SCN11A: variants seen among roughly 807,000 people sequenced by gnomAD.
SCN11A encodes sodium channel protein type 11 subunit alpha.
A neutral mutation model predicts 162.2 loss-of-function variants in SCN11A; 122 were observed. The ratio of observed to expected loss-of-function variants is 0.75; its 90% CI spans 0.65 to 0.87. The LOEUF is 0.87. Ranked by LOEUF, SCN11A falls within the 40% of genes least tolerant of loss-of-function variation. The pLI is 0.00. For missense variants in SCN11A, 2,015 were observed against 2,181.6 expected, an observed-to-expected ratio of 0.92 and a Z score of 1.52; for synonymous variants, 758 against 751.5, an observed-to-expected ratio of 1.01 and a Z score of -0.14.
chr3:38,877,133 A>ATG (rs2065227845), intron 23 of SCN11A, among the ~76,000 whole-genome samples: 1 of 106,742 alleles, frequency 9.4e-6, no homozygotes, highest in African/African-American at 3.8e-5. Context: ...TGGTGTATAT[A>ATG]CTATATATAT....
rs2066149123 is a variant in SCN11A at position 38,926,807 on chromosome 3, T to C, written c.613A>G (p.Ile205Val). The change falls in exon 8 of 30, where the codon ATA becomes GTA. Residue 205 changes from isoleucine (I) to valine (V), a missense_variant. Transcript: ENST00000302328. ...AAACATCTTTAATATTCTTACGCTA[T>C]TCCAATGACAATGGAGTCCAGCCAG... ...WNWLDSIVIG[I>V]AIVSYIPGIT... The C allele has an allele frequency of 6.2e-7, 1 of 1,613,412 alleles. No homozygotes were observed. The highest frequency in any genetic ancestry group is 1.7e-5 in the Admixed American group (1 of 59,886).
In SCN11A at chr3:38,846,605, C is replaced by A; in HGVS notation, c.*89G>T. 1.0e-6 allele frequency: 1 copy of A among 958,710 alleles called. No individual in the cohort carries two copies. The allele number at this position is 958,710 out of a possible 1,614,324, so 59.4% of individuals were successfully genotyped here. ...GAATGGCTAATTTGGTGAATCCACT[C>A]CCTGTTGATACACTAAGCTGCTGAC... On this transcript the variant is annotated 3_prime_UTR_variant, in exon 30 of 30. Coordinates refer to ENST00000302328, the MANE Select transcript of SCN11A (RefSeq NM_001349253.2).
In SCN11A at chr3:38,909,064, G is replaced by A; in HGVS notation, c.1232C>T (p.Ala411Val). The A allele has an allele frequency of 6.2e-7, 1 of 1,614,018 alleles. No homozygotes were observed. The highest frequency in any genetic ancestry group is 1.1e-5 in the South Asian group (1 of 91,080). Reference sequence around the variant, plus strand: ...CTTTTCCTTGGCCTCTATCTCTGCAGCTACATTCTTGTTCTGCTCCTCATA... The same window carrying A: ...CTTTTCCTTGGCCTCTATCTCTGCAACTACATTCTTGTTCTGCTCCTCATA... ...MAYEEQNKNV[A>V]AEIEAKEKMF... Residue 411 changes from alanine to valine, a missense_variant, in exon 13 of 30, where the codon GCT (alanine) becomes GTT (valine). Physicochemically the swap from Ala to Val is moderately conservative, Grantham distance 64 (BLOSUM62 0). Coordinates refer to ENST00000302328, the MANE Select transcript of SCN11A (RefSeq NM_001349253.2).
chr3:38,907,365 C>T (rs76050581), intron 14 of SCN11A, among the ~76,000 whole-genome samples: 579 of 36,886 alleles, frequency 0.016, 9 homozygotes, highest in African/African-American at 0.026. Flanking sequence ...TATACACACA[C>T]ACACACACAC....
intron 2 of SCN11A, among the ~76,000 whole-genome samples, chr3:39,016,580 TTTTA>T (rs1017064965): frequency 6.6e-6 from 1 of 152,082 alleles, no homozygotes; most frequent in Non-Finnish European, 1.5e-5. Flanking sequence ...TTGCCTTCAT[TTTTA>T]TTTATTTATT....
intron 23 of SCN11A, among the ~76,000 whole-genome samples, chr3:38,876,904 G>A (rs1371245293): frequency 2.0e-5 from 3 of 151,584 alleles, no homozygotes; most frequent in African/African-American, 4.8e-5. Context: ...TTGCACACAC[G>A]TTTATAGCAG....
intron 2 of SCN11A, among the ~76,000 whole-genome samples, chr3:38,982,092 A>G (rs894335037): frequency 6.6e-6 from 1 of 152,208 alleles, no homozygotes; most frequent in African/African-American, 2.4e-5. Context: ...GTGTGGCCCC[A>G]TCCAGCCTCA....
In SCN11A at chr3:38,961,427, AG is replaced by A. The variant is rs553480465; in HGVS notation, c.-279-1005del. Among the ~76,000 whole-genome samples the A allele has an allele frequency of 6.3e-4, 96 of 152,346 alleles. 1 individual carries two copies. In the South Asian group the frequency reaches 0.02, roughly 31 times the overall value. ...TTCTCCCCCTACTAAGCCAACACCC[AG>A]GTCCTCTGGAGAGGAATTGAAACCA... On this transcript the variant is annotated intron_variant, in intron 2 of 29. Transcript: ENST00000302328.
At chr3:38,969,894 A>C (rs1265579955) in intron 2 of SCN11A, among the ~76,000 whole-genome samples, 1 of 151,876 alleles carries the variant, frequency 6.6e-6, no homozygotes, top group Non-Finnish European at 1.5e-5. Flanking sequence ...GAGAACACAA[A>C]CCCCCCAATC....
intron 2 of SCN11A, among the ~76,000 whole-genome samples, chr3:38,991,899 C>T (rs1353332266): frequency 6.6e-6 from 1 of 152,156 alleles, no homozygotes; most frequent in African/African-American, 2.4e-5. Context: ...ACCTCTGCCT[C>T]CCAGGTTCAA....
At chr3:38,867,266 A>C in intron 27 of SCN11A, 55 bp downstream of exon 27, 1 of 1,510,262 alleles carries the variant, frequency 6.6e-7, no homozygotes. Flanking sequence ...TGTTTTGTTA[A>C]TGCATTTGGA....
intron 2 of SCN11A, among the ~76,000 whole-genome samples, chr3:38,976,378 G>A (rs1404539649): frequency 6.6e-6 from 1 of 152,126 alleles, no homozygotes; most frequent in African/African-American, 2.4e-5. Flanking sequence ...TTAAGGCCTG[G>A]GGAGGTGATG....
chr3:38,850,193 A>G, intron 29 of SCN11A: 1 of 301,914 alleles, frequency 3.3e-6, no homozygotes, highest in Non-Finnish European at 6.0e-6. Context: ...TACCACCACA[A>G]AAACTTCTGA....
At chr3:38,933,177 G>A (rs1255451497) in intron 7 of SCN11A, among the ~76,000 whole-genome samples, 1 of 152,052 alleles carries the variant, frequency 6.6e-6, no homozygotes, top group Non-Finnish European at 1.5e-5. Context: ...TCTGTTAGAA[G>A]GAAAACTAAC....
rs1415459152 is a variant in SCN11A at position 38,847,063 on chromosome 3, T to C, written c.5007A>G (p.Val1669=). The stretch of plus-strand genomic sequence containing the variant: ...CTTCACTCACCATGGGCAAGTCCAT[T>C]ACTAGAAATTGATATTTATTTGGCT... ...VAKPNKYQFL[V]MDLPMVSEDR... The change falls in exon 30 of 30, where the codon GTA becomes GTG. Residue 1669 remains valine (V), a synonymous_variant. Coordinates refer to ENST00000302328, the MANE Select transcript of SCN11A (RefSeq NM_001349253.2). 6.2e-7 allele frequency: 1 copy of C among 1,614,118 alleles called. No individual in the cohort carries two copies.
intron 14 of SCN11A, among the ~76,000 whole-genome samples, chr3:38,906,547 A>G (rs1425002393): frequency 6.6e-6 from 1 of 152,048 alleles, no homozygotes; most frequent in Non-Finnish European, 1.5e-5. Flanking sequence ...TCTTATCCCC[A>G]CACTGTCCAT....
chr3:38,945,820 T>C (rs1310190942), intron 6 of SCN11A, among the ~76,000 whole-genome samples: 6 of 152,238 alleles, frequency 3.9e-5, no homozygotes, highest in Non-Finnish European at 8.8e-5. Context: ...GGGATCAGAA[T>C]GAAGGTGACT....
At chr3:39,009,379 G>A (rs1660493167) in intron 2 of SCN11A, among the ~76,000 whole-genome samples, 1 of 151,200 alleles carries the variant, frequency 6.6e-6, no homozygotes, top group Admixed American at 6.6e-5. Context: ...TCCTGCTCAT[G>A]CAAAAATAAA....
chr3:38,896,012 T>A (rs2126117349), intron 18 of SCN11A, among the ~76,000 whole-genome samples: 1 of 152,304 alleles, frequency 6.6e-6, no homozygotes. Context: ...TTAATTAGCC[T>A]CCTCATAAAT....
Sources: allele counts gnomAD v4.1 joint callset (sites outside exome capture counted in the v4.1 genomes callset), GRCh38; gene constraint gnomAD v4.1.1; transcripts MANE v1.5; gene names NCBI Gene and HGNC (gene_info 2026-07-23, HGNC 2026-07-21).